The following ADAMTS3 variants were observed in gnomAD, a reference collection of about 807,000 sequenced individuals.
ADAMTS3 encodes A disintegrin and metalloproteinase with thrombospondin motifs 3.
A neutral mutation model predicts 129.0 loss-of-function variants in ADAMTS3; 73 were observed. The observed-to-expected ratio is 0.57, with a 90% CI of 0.47 to 0.69. ADAMTS3 has a LOEUF of 0.69. Among genes scored for constraint, ADAMTS3 ranks in the 30% least tolerant of loss-of-function variants. The pLI is 0.00. For synonymous variants in ADAMTS3, 477 were observed against 510.8 expected, an observed-to-expected ratio of 0.93 and a Z score of 0.89; for missense variants, 1,457 against 1,514.5, an observed-to-expected ratio of 0.96 and a Z score of 0.63.
chr4:72,298,826 T>G (rs1718876274), intron 17 of ADAMTS3, among the ~76,000 whole-genome samples: 1 of 151,596 alleles, frequency 6.6e-6, no homozygotes, highest in Non-Finnish European at 1.5e-5. Flanking sequence ...AAATTAAAAT[T>G]TTTAAATTTT....
intron 5 of ADAMTS3, among the ~76,000 whole-genome samples, chr4:72,335,836 T>A (rs1719975898): frequency 6.6e-6 from 1 of 152,134 alleles, no homozygotes; most frequent in Non-Finnish European, 1.5e-5. Flanking sequence ...TTGTTTTGAG[T>A]CCAAAATTTC....
intron 3 of ADAMTS3, among the ~76,000 whole-genome samples, 188 bp downstream of exon 3, chr4:72,548,290 A>G (rs936294692): frequency 6.6e-6 from 1 of 152,202 alleles, no homozygotes; most frequent in African/African-American, 2.4e-5. Context: ...TCCAAGAAAC[A>G]AAATTGTCAC....
intron 17 of ADAMTS3, among the ~76,000 whole-genome samples, chr4:72,303,566 A>AT (rs1344498802): frequency 6.6e-6 from 1 of 152,024 alleles, no homozygotes; most frequent in Non-Finnish European, 1.5e-5. Context: ...TTGAAGGTAA[A>AT]TGATACTAGA....
chr4:72,492,878 A>G (rs1719782624), intron 3 of ADAMTS3, among the ~76,000 whole-genome samples: 1 of 151,896 alleles, frequency 6.6e-6, no homozygotes, highest in Non-Finnish European at 1.5e-5. Flanking sequence ...ATTTAGATAA[A>G]ACATTATCTA....
At chr4:72,303,162 G>A (rs1718995445) in intron 17 of ADAMTS3, among the ~76,000 whole-genome samples, 1 of 152,104 alleles carries the variant, frequency 6.6e-6, no homozygotes, top group Admixed American at 6.6e-5. Context: ...CTGTGCTGCT[G>A]AATGACACCA....
chr4:72,544,796 C>A (rs937402916), intron 3 of ADAMTS3, among the ~76,000 whole-genome samples: 1 of 151,992 alleles, frequency 6.6e-6, no homozygotes, highest in African/African-American at 2.4e-5. Context: ...CTTTTCAGGC[C>A]AACAATAGAA....
chr4:72,303,593 C>T (rs751177075), intron 17 of ADAMTS3, among the ~76,000 whole-genome samples: 3 of 151,420 alleles, frequency 2.0e-5, no homozygotes, highest in Non-Finnish European at 4.4e-5. Flanking sequence ...GTCAGATGTA[C>T]AAAGTAGAAT....
At chr4:72,516,875 T>G (rs1205915442) in intron 3 of ADAMTS3, among the ~76,000 whole-genome samples, 1 of 152,086 alleles carries the variant, frequency 6.6e-6, no homozygotes, top group Non-Finnish European at 1.5e-5. Flanking sequence ...AACACTCTGT[T>G]GAATAGGAGT....
chr4:72,437,189 C>T (rs1479172341), intron 3 of ADAMTS3, among the ~76,000 whole-genome samples: 3 of 151,732 alleles, frequency 2.0e-5, no homozygotes, highest in Non-Finnish European at 2.9e-5. Flanking sequence ...CCAGTTATCA[C>T]CAAATCTTCT....
intron 4 of ADAMTS3, among the ~76,000 whole-genome samples, chr4:72,400,976 A>G (rs1721898782): frequency 6.8e-6 from 1 of 147,262 alleles, no homozygotes; most frequent in African/African-American, 2.5e-5. Context: ...TACACACACT[A>G]TGGTGCAAAT....
intron 3 of ADAMTS3, among the ~76,000 whole-genome samples, chr4:72,506,140 G>C (rs2110029084): frequency 6.6e-6 from 1 of 152,284 alleles, no homozygotes; most frequent in East Asian, 1.9e-4. Flanking sequence ...ATCTGCTTAT[G>C]TATAGAGCAA....
intron 4 of ADAMTS3, among the ~76,000 whole-genome samples, chr4:72,377,001 T>C (rs1420163455): frequency 6.6e-6 from 1 of 152,114 alleles, no homozygotes; most frequent in Non-Finnish European, 1.5e-5. Flanking sequence ...AGAGAGAGAA[T>C]AACTGAGAAG....
intron 4 of ADAMTS3, among the ~76,000 whole-genome samples, chr4:72,351,752 T>C (rs1720443158): frequency 1.3e-5 from 2 of 151,878 alleles, no homozygotes; most frequent in South Asian, 4.1e-4. Flanking sequence ...TTAGCAAACA[T>C]GGATATCACC....
chr4:72,479,515 T>C (rs376241375), intron 3 of ADAMTS3, among the ~76,000 whole-genome samples: 5 of 152,114 alleles, frequency 3.3e-5, no homozygotes, highest in South Asian at 2.1e-4. Context: ...AACTGGATCC[T>C]TTCCTTACAC....
At chr4:72,410,465 T>C (rs758471118) in intron 4 of ADAMTS3, among the ~76,000 whole-genome samples, 7 of 152,140 alleles carry the variant, frequency 4.6e-5, no homozygotes, top group Non-Finnish European at 7.4e-5. Context: ...TAGGATGTAA[T>C]TACAAAAATT....
chr4:72,312,262 A>T, intron 13 of ADAMTS3, 29 bp downstream of exon 13: 2 of 1,612,010 alleles, frequency 1.2e-6, no homozygotes, highest in Non-Finnish European at 1.7e-6. Flanking sequence ...CCATCCACAC[A>T]GCAGGAAGGA....
Position 72,508,343 on chromosome 4 carries a change from C to A in ADAMTS3, c.504+40135G>T, listed in dbSNP as rs528555213. Among the ~76,000 whole-genome samples, 3 of 152,156 alleles carry A rather than the reference C, an allele frequency of 2.0e-5. No homozygotes were observed. The East Asian group carries it at 5.8e-4, about 29-fold the overall frequency. ...GTTAAAATGGGTTAGTGGTTAAAAT[C>A]TCCCACCAATAACCTAAAAAATTGA... On this transcript the variant is annotated intron_variant, in intron 3 of 21. Coordinates refer to ENST00000286657, the MANE Select transcript of ADAMTS3 (RefSeq NM_014243.3).
chr4:72,290,190 A>T (rs899068302), intron 20 of ADAMTS3, among the ~76,000 whole-genome samples: 3 of 152,222 alleles, frequency 2.0e-5, no homozygotes, highest in Non-Finnish European at 4.4e-5. Context: ...TGAGGAAACA[A>T]GGCATACTAT....
In ADAMTS3 at chr4:72,526,570, A is replaced by ATGTGTGTGTGTGTGTGTGTG. The variant is rs56774889; in HGVS notation, c.504+21888_504+21907dup. Among the ~76,000 whole-genome samples the ATGTGTGTGTGTGTGTGTGTG allele has an allele frequency of 3.8e-5, 5 of 132,088 alleles. 1 individual carries two copies. In the East Asian group the frequency reaches 8.9e-4, roughly 24 times the overall value. 86.7% of individuals were successfully genotyped at this position (132,088 alleles called of 152,430 possible). A position where few individuals can be genotyped will look rare whatever the true frequency, so the allele number is the denominator to read the frequency against. ...TTAATAAAATATACTAATGAAATTTATGTGTGTGTGTGTGTGTGTGTGTGT... is the reference window on the plus strand; with the variant it reads ...TTAATAAAATATACTAATGAAATTTATGTGTGTGTGTGTGTGTGTGTGTGTGTGTGTGTGTGTGTGTGTGT... On this transcript the variant is annotated intron_variant, in intron 3 of 21. Transcript: ENST00000286657.
Sources: allele counts gnomAD v4.1 joint callset (sites outside exome capture counted in the v4.1 genomes callset), GRCh38; gene constraint gnomAD v4.1.1; transcripts MANE v1.5; gene names NCBI Gene and HGNC (gene_info 2026-07-23, HGNC 2026-07-21).